CPT1A: variants seen among roughly 807,000 people sequenced by gnomAD.
CPT1A encodes carnitine palmitoyltransferase 1A, also known as carnitine O-palmitoyltransferase 1, liver isoform.
Under a neutral mutation model 100.8 loss-of-function variants are expected in CPT1A, and 64 were observed. The ratio of observed to expected loss-of-function variants is 0.63; its 90% CI spans 0.52 to 0.78. CPT1A has a LOEUF of 0.78. Ranked by LOEUF, CPT1A falls within the 30% of genes least tolerant of loss-of-function variation. The pLI, the probability that CPT1A is intolerant of heterozygous loss-of-function variation, is 0.00. For synonymous variants in CPT1A, 363 were observed against 396.0 expected (o/e 0.92, Z 0.99); for missense variants, 802 against 1,034.1 (o/e 0.78, Z 3.08).
intron 1 of CPT1A, among the ~76,000 whole-genome samples, chr11:68,836,720 C>T (rs964679919): frequency 6.7e-6 from 1 of 150,290 alleles, no homozygotes; most frequent in Non-Finnish European, 1.5e-5. Context: ...TGCAGTGAGC[C>T]GAGATCATAC....
At chr11:68,793,229 A>T in intron 9 of CPT1A, 86 bp downstream of exon 9, 2 of 946,294 alleles carry the variant, frequency 2.1e-6, no homozygotes, top group South Asian at 3.1e-5. Context: ...GCAAAAATCA[A>T]TTTGGCCCCT....
chr11:68,798,103 G>A (rs542834658), intron 6 of CPT1A, among the ~76,000 whole-genome samples: 17 of 152,336 alleles, frequency 1.1e-4, no homozygotes, highest in Admixed American at 5.9e-4. Flanking sequence ...CTGGTGTTCC[G>A]CAGGTGTTGT....
Position 68,785,063 on chromosome 11 carries a change from G to T in CPT1A, c.968-53C>A, listed in dbSNP as rs1283847019. The T allele has an allele frequency of 3.3e-6, 5 of 1,531,950 alleles. No individual in the cohort carries two copies. The Admixed American group carries it at 8.5e-5, about 26-fold the overall frequency. The allele number at this position is 1,531,950 out of a possible 1,614,324, so 94.9% of individuals were successfully genotyped here. On this transcript the variant is annotated intron_variant, in intron 9 of 18. Coordinates refer to ENST00000265641, the MANE Select transcript of CPT1A (RefSeq NM_001876.4). ...AAACCAAGAGTCCCAAGTTCAGCAC[G>T]TGCTGAGACGACCGTACCCTGACTC...
intron 1 of CPT1A, among the ~76,000 whole-genome samples, chr11:68,832,832 T>C (rs1292886040): frequency 6.6e-6 from 1 of 152,164 alleles, no homozygotes; most frequent in Non-Finnish European, 1.5e-5. Context: ...ATGTTACCCA[T>C]GGGAAGCGAC....
chr11:68,829,688 T>G (rs1365895586), intron 1 of CPT1A, among the ~76,000 whole-genome samples: 1 of 152,212 alleles, frequency 6.6e-6, no homozygotes, highest in Admixed American at 6.5e-5. Context: ...GCCCTGGGAA[T>G]GGACTCGTGG....
intron 3 of CPT1A, among the ~76,000 whole-genome samples, chr11:68,808,067 G>C (rs1856098709): frequency 2.0e-5 from 3 of 152,254 alleles, no homozygotes; most frequent in Admixed American, 2.0e-4. Flanking sequence ...CTGCCGACCT[G>C]TGCGTCCCCG....
chr11:68,801,899 A>G (rs1463059490), intron 5 of CPT1A, among the ~76,000 whole-genome samples: 1 of 152,174 alleles, frequency 6.6e-6, no homozygotes, highest in Non-Finnish European at 1.5e-5. Flanking sequence ...ATACGTCCCC[A>G]ACAGCGGATG....
rs1946669854 is a variant in CPT1A, at chr11:68,755,342, C to G, written c.*2302G>C. On this transcript the variant is annotated 3_prime_UTR_variant, in exon 19 of 19. Coordinates refer to ENST00000265641, the MANE Select transcript of CPT1A (RefSeq NM_001876.4). Reference sequence around the variant, plus strand: ...CTTTTAACGGGAAGTGCTATTCTTGCCCAGGGCAGAGAGAGCTACATCCCC... The same window carrying G: ...CTTTTAACGGGAAGTGCTATTCTTGGCCAGGGCAGAGAGAGCTACATCCCC... 6.4e-6 allele frequency: 1 copy of G among 157,010 alleles called. No individual in the cohort carries two copies. The highest frequency in any genetic ancestry group is 1.4e-5 in the Non-Finnish European group (1 of 69,638). 9.7% of individuals were successfully genotyped at this position (157,010 alleles called of 1,614,324 possible). A position where few individuals can be genotyped will look rare whatever the true frequency, so the allele number is the denominator to read the frequency against.
chr11:68,802,879 A>G (rs1456374914), intron 5 of CPT1A, among the ~76,000 whole-genome samples: 4 of 141,954 alleles, frequency 2.8e-5, no homozygotes, highest in African/African-American at 5.2e-5. Flanking sequence ...CCTGAACAAC[A>G]GGGTGAGACC....
intron 1 of CPT1A, among the ~76,000 whole-genome samples, chr11:68,831,637 C>CTTT (rs11372679): frequency 3.1e-4 from 45 of 142,918 alleles, no homozygotes; most frequent in Middle Eastern, 3.6e-3. Context: ...CAGCACATTC[C>CTTT]TTTTTTTTTT....
At chr11:68,796,788 C>A (rs1384935703) in intron 7 of CPT1A, 68 bp downstream of exon 7, 5 of 1,498,850 alleles carry the variant, frequency 3.3e-6, no homozygotes, top group Non-Finnish European at 4.6e-6. Flanking sequence ...TGTGAAGACG[C>A]CACCTCTGTG....
At chr11:68,806,172 CGCCTGGCTAATTT>C (rs1266576706) in intron 4 of CPT1A, among the ~76,000 whole-genome samples, 3 of 152,042 alleles carry the variant, frequency 2.0e-5, no homozygotes, top group Non-Finnish European at 2.9e-5. Context: ...TGCACCACCA[CGCCTGGCTAATTT>C]GCCTGGCTAA....
At chr11:68,762,558 G>T in intron 15 of CPT1A, 69 bp downstream of exon 15, 1 of 1,582,748 alleles carries the variant, frequency 6.3e-7, no homozygotes. Context: ...AAGCTGGAGT[G>T]ATGGCCTCCA....
At chr11:68,762,555 A>G in intron 15 of CPT1A, 72 bp downstream of exon 15, 2 of 1,584,430 alleles carry the variant, frequency 1.3e-6, no homozygotes, top group South Asian at 1.1e-5. Flanking sequence ...GAGAAGCTGG[A>G]GTGATGGCCT....
intron 1 of CPT1A, among the ~76,000 whole-genome samples, chr11:68,833,751 AAG>A (rs1349020611): frequency 6.6e-6 from 1 of 152,200 alleles, no homozygotes; most frequent in Non-Finnish European, 1.5e-5. Flanking sequence ...GAAAAAAAAA[AAG>A]AAATTGTTTC....
rs762915863 is a variant in CPT1A at position 68,780,688 on chromosome 11, G to A, written c.1410C>T (p.Asn470=). 4.6e-5 allele frequency: 74 copies of A among 1,614,124 alleles called. No homozygotes were observed. The highest frequency in any genetic ancestry group is 6.7e-5 in the Admixed American group (4 of 60,006). The part of the protein sequence containing the change: ...VVFKNGKMGL[N]AEHSWADAPI... Reference sequence around the variant, plus strand: ...GCGCATCTGCCCAGGAGTGTTCAGCGTTGAGGCCCATCTTCCCGTTTTTGA... The same window carrying A: ...GCGCATCTGCCCAGGAGTGTTCAGCATTGAGGCCCATCTTCCCGTTTTTGA... Residue 470 remains asparagine, a synonymous_variant, in exon 12 of 19, where the codon AAC becomes AAT. Coordinates refer to ENST00000265641, the MANE Select transcript of CPT1A (RefSeq NM_001876.4).
intron 12 of CPT1A, among the ~76,000 whole-genome samples, chr11:68,776,500 A>G (rs1367550170): frequency 6.6e-6 from 1 of 152,258 alleles, no homozygotes; most frequent in Non-Finnish European, 1.5e-5. Flanking sequence ...CAAAATAGGC[A>G]CATACATACA....
chr11:68,817,287 C>T (rs550265980), intron 1 of CPT1A, among the ~76,000 whole-genome samples: 1 of 152,128 alleles, frequency 6.6e-6, no homozygotes, highest in South Asian at 2.1e-4. Flanking sequence ...TTCAAAGATC[C>T]CCTGTTACAG....
rs765003303 is a variant in CPT1A, at chr11:68,784,826, G to A, written c.1152C>T (p.Thr384=). 14 of 1,609,976 alleles carry A rather than the reference G, an allele frequency of 8.7e-6. No individual in the cohort carries two copies. The highest frequency in any genetic ancestry group is 1.7e-5 in the Admixed American group (1 of 59,984). ...QPGEARLAAL[T]AGDRVPWARC... is the part of the protein sequence containing the mutation. The stretch of plus-strand genomic sequence containing the variant: ...CCTAGGCTGCGCACCTGTCTCCTGC[G>A]GTGAGGGCTGCCAGCCTGGCCTCCC... The change falls in exon 10 of 19, where the codon ACC becomes ACT. Residue 384 remains threonine (T), a synonymous_variant. Transcript: ENST00000265641.
Sources: allele counts gnomAD v4.1 joint callset (sites outside exome capture counted in the v4.1 genomes callset), GRCh38; gene constraint gnomAD v4.1.1; transcripts MANE v1.5; gene names NCBI Gene and HGNC (gene_info 2026-07-23, HGNC 2026-07-21).